Variants in PCBP2 observed in about 807,000 individuals in gnomAD.
The protein encoded by PCBP2 is poly(rC)-binding protein 2.
In PCBP2, 4 loss-of-function variants were observed where a neutral mutation model predicts 50.1. The observed-to-expected ratio is 0.08, with a 90% CI of 0.04 to 0.18. The LOEUF (loss-of-function observed/expected upper bound fraction) is 0.18. Among genes scored for constraint, PCBP2 ranks in the 10% least tolerant of loss-of-function variants. PCBP2 has a pLI of 1.00. For missense variants in PCBP2, 161 were observed against 474.3 expected, an observed-to-expected ratio of 0.34 and a Z score of 6.14; for synonymous variants, 179 against 168.0, an observed-to-expected ratio of 1.07 and a Z score of -0.51.
intron 5 of PCBP2, among the ~76,000 whole-genome samples, chr12:53,457,795 A>G (rs542555213): frequency 6.6e-6 from 1 of 152,360 alleles, no homozygotes; most frequent in Admixed American, 6.5e-5. Context: ...AGATTAGGCT[A>G]ATAAGTGATA....
At chr12:53,453,842 A>G (rs1042708757) in intron 1 of PCBP2, among the ~76,000 whole-genome samples, 1 of 152,242 alleles carries the variant, frequency 6.6e-6, no homozygotes, top group African/African-American at 2.4e-5. Context: ...AATGTTAGGA[A>G]TTGTTTCATA....
intron 6 of PCBP2, chr12:53,460,428 G>T (rs1157210495): frequency 3.1e-6 from 1 of 321,306 alleles, no homozygotes; most frequent in South Asian, 2.3e-5. Context: ...TTACAGATGT[G>T]AGCCACTGTG....
intron 14 of PCBP2, chr12:53,474,845 TGTTCC>T: frequency 2.7e-6 from 1 of 372,578 alleles, no homozygotes; most frequent in South Asian, 2.0e-5. Context: ...CCTTTTTTTT[TGTTCC>T]TTTTTTCCTC....
In PCBP2 at chr12:53,461,256, G is replaced by A. The variant is rs543664379; in HGVS notation, c.504+113G>A. The A allele has an allele frequency of 1.1e-5, 14 of 1,219,562 alleles. No homozygotes were observed. In the East Asian group the frequency reaches 2.1e-4, roughly 18 times the overall value. 75.5% of individuals were successfully genotyped at this position (1,219,562 alleles called of 1,614,324 possible). ...GTGAGGCTGTTAAGGCTTCCAGTGG[G>A]GGTGGGGCTAAAAGGTTCCCTGAGT... On this transcript the variant is annotated intron_variant, in intron 7 of 14. Transcript: ENST00000546463.
intron 14 of PCBP2, among the ~76,000 whole-genome samples, chr12:53,477,461 C>G (rs936684454): frequency 2.0e-5 from 3 of 151,848 alleles, no homozygotes; most frequent in Non-Finnish European, 2.9e-5. Context: ...GTCAGGAGAT[C>G]AAGACCATCC....
At chr12:53,472,125 CTT>C (rs1942287324) in intron 14 of PCBP2, among the ~76,000 whole-genome samples, 1 of 152,034 alleles carries the variant, frequency 6.6e-6, no homozygotes, top group African/African-American at 2.4e-5. Context: ...GTGGGTCTCT[CTT>C]GTTCTACATA....
intron 5 of PCBP2, among the ~76,000 whole-genome samples, chr12:53,458,054 C>T (rs1320004983): frequency 2.0e-5 from 3 of 149,422 alleles, no homozygotes; most frequent in African/African-American, 7.4e-5. Flanking sequence ...TCGGCCTCCC[C>T]AGTAGCTGGG....
rs1468560137 is a variant in PCBP2 at position 53,467,976 on chromosome 12, G to T, written c.826+133G>T. The T allele has an allele frequency of 6.6e-6, 5 of 760,528 alleles. No individual in the cohort carries two copies. In the Admixed American group the frequency reaches 1.1e-4, roughly 17 times the overall value. The allele number at this position is 760,528 out of a possible 1,614,324, so 47.1% of individuals were successfully genotyped here. A position where few individuals can be genotyped will look rare whatever the true frequency, so the allele number is the denominator to read the frequency against. On this transcript the variant is annotated intron_variant, in intron 12 of 14. Coordinates refer to ENST00000546463, the MANE Select transcript of PCBP2 (RefSeq NM_031989.5). ...AGAGAGGAGCTGAGAGAGCAAAGGG[G>T]TGGGCCTGGAGCCCCCGAGGGTCCC...
At chr12:53,460,016 C>G in intron 6 of PCBP2, 2 of 314,260 alleles carry the variant, frequency 6.4e-6, no homozygotes, top group Non-Finnish European at 1.4e-5. Context: ...ACCTCAGGCT[C>G]CCAGTGTTAT....
At chr12:53,456,215 C>T (rs1245957888) in intron 5 of PCBP2, among the ~76,000 whole-genome samples, 2 of 152,008 alleles carry the variant, frequency 1.3e-5, no homozygotes, top group Non-Finnish European at 2.9e-5. Flanking sequence ...GGCTGTAGTC[C>T]CAGCACTTTT....
In PCBP2 at chr12:53,479,586, A is replaced by G. The variant is rs188022418; in HGVS notation, c.*144A>G. The G allele has an allele frequency of 5.3e-5, 27 of 511,604 alleles. No homozygotes were observed. In the Admixed American group the frequency reaches 6.7e-4, roughly 13 times the overall value. 31.7% of individuals were successfully genotyped at this position (511,604 alleles called of 1,614,324 possible). On this transcript the variant is annotated 3_prime_UTR_variant, in exon 15 of 15. Transcript: ENST00000546463. ...CTACACACTTTATCATCCACTCGTGATTTTTTAATTAAAGCGTTTTAATTC... is the reference window on the plus strand; with the variant it reads ...CTACACACTTTATCATCCACTCGTGGTTTTTTAATTAAAGCGTTTTAATTC...
At chr12:53,474,436 A>G (rs1219712029) in intron 14 of PCBP2, among the ~76,000 whole-genome samples, 3 of 152,388 alleles carry the variant, frequency 2.0e-5, no homozygotes, top group East Asian at 1.9e-4. Flanking sequence ...TAAATATTCA[A>G]AGCTTCACAA....
intron 8 of PCBP2, among the ~76,000 whole-genome samples, chr12:53,463,205 A>G (rs1941574185): frequency 6.6e-6 from 1 of 152,144 alleles, no homozygotes; most frequent in African/African-American, 2.4e-5. Flanking sequence ...AAGAACACCA[A>G]AGCACCACCG....
chr12:53,458,748 C>G (rs775199644), intron 5 of PCBP2, among the ~76,000 whole-genome samples: 20 of 151,732 alleles, frequency 1.3e-4, no homozygotes, highest in Non-Finnish European at 2.6e-4. Context: ...AAGCGATTCT[C>G]CCGCATCAGC....
chr12:53,453,992 T>G (rs1940792295), intron 1 of PCBP2, among the ~76,000 whole-genome samples: 1 of 152,214 alleles, frequency 6.6e-6, no homozygotes, highest in Non-Finnish European at 1.5e-5. Context: ...AAATAAAAAC[T>G]GGATGGTAAA....
At chr12:53,461,275 C>T (rs1351182217) in intron 7 of PCBP2, 132 bp downstream of exon 7, 2 of 946,388 alleles carry the variant, frequency 2.1e-6, no homozygotes, top group African/African-American at 3.3e-5. Context: ...TAAAAGGTTC[C>T]CTGAGTTCAT....
chr12:53,459,423 CT>C lies in PCBP2; in HGVS notation c.375+24del. The C allele has an allele frequency of 6.3e-7, 1 of 1,598,538 alleles. No homozygotes were observed. The highest frequency in any genetic ancestry group is 8.5e-7 in the Non-Finnish European group (1 of 1,170,814). ...CGAGAGGTTAGTGACTTTTGTCGTC[CT>C]TTTAGAAATGTTAACTATTTGTTCC... On this transcript the variant is annotated intron_variant, in intron 6 of 14. Transcript: ENST00000546463.
chr12:53,462,044 C>G (rs1263823221), intron 7 of PCBP2, among the ~76,000 whole-genome samples: 1 of 152,096 alleles, frequency 6.6e-6, no homozygotes, highest in Non-Finnish European at 1.5e-5. Flanking sequence ...ATTAGAAAAA[C>G]CTTGATTGAG....
intron 6 of PCBP2, chr12:53,460,814 T>A (rs1941401753): frequency 2.0e-6 from 1 of 491,816 alleles, no homozygotes. Context: ...TATTCTTGTC[T>A]TTCAGTGGCT....
Sources: allele counts gnomAD v4.1 joint callset (sites outside exome capture counted in the v4.1 genomes callset), GRCh38; gene constraint gnomAD v4.1.1; transcripts MANE v1.5; gene names NCBI Gene and HGNC (gene_info 2026-07-23, HGNC 2026-07-21).